SLC9A8: variants seen among roughly 807,000 people sequenced by gnomAD.
SLC9A8 encodes the protein solute carrier family 9 member A8, also known as sodium/hydrogen exchanger 8.
In SLC9A8, 48 loss-of-function variants were observed where a neutral mutation model predicts 66.6. The ratio of observed to expected loss-of-function variants is 0.72; its 90% CI spans 0.57 to 0.92. The LOEUF is 0.92. Among genes scored for constraint, SLC9A8 ranks in the 40% least tolerant of loss-of-function variants. The pLI, the probability that SLC9A8 is intolerant of heterozygous loss-of-function variation, is 0.00. For synonymous variants in SLC9A8, 274 were observed against 282.6 expected, an observed-to-expected ratio of 0.97 and a Z score of 0.31; for missense variants, 599 against 747.3, an observed-to-expected ratio of 0.80 and a Z score of 2.31.
intron 13 of SLC9A8, among the ~76,000 whole-genome samples, chr20:49,882,108 A>G (rs930843029): frequency 1.3e-5 from 2 of 151,778 alleles, no homozygotes; most frequent in African/African-American, 4.8e-5. Flanking sequence ...CATTTAAGCA[A>G]TCAGAGCTTC....
intron 11 of SLC9A8, among the ~76,000 whole-genome samples, chr20:49,876,782 C>T (rs1291857289): frequency 6.6e-6 from 1 of 152,090 alleles, no homozygotes; most frequent in Non-Finnish European, 1.5e-5. Context: ...GGAGTTGATG[C>T]TGCCAGGGAA....
At chr20:49,814,945 G>A (rs988500931) in intron 1 of SLC9A8, 63 bp from the exon 2 acceptor site, 7 of 1,293,510 alleles carry the variant, frequency 5.4e-6, no homozygotes, top group Middle Eastern at 2.0e-4. Flanking sequence ...CTGGTGTGAG[G>A]TGTGTGAATT....
chr20:49,844,326 C>T (rs2087889360), intron 4 of SLC9A8, among the ~76,000 whole-genome samples: 1 of 152,102 alleles, frequency 6.6e-6, no homozygotes, highest in Non-Finnish European at 1.5e-5. Context: ...TGTTTTAGGG[C>T]TTGCCATTAC....
intron 10 of SLC9A8, among the ~76,000 whole-genome samples, chr20:49,866,766 A>G (rs957818687): frequency 2.0e-5 from 3 of 152,148 alleles, no homozygotes; most frequent in Non-Finnish European, 2.9e-5. Context: ...GAGAGGTAGC[A>G]TGCTATTGGC....
chr20:49,866,455 G>A (rs676035), intron 10 of SLC9A8, among the ~76,000 whole-genome samples: 121,676 of 152,172 alleles, frequency 0.8, 48,654 homozygotes, highest in East Asian at 0.84. Flanking sequence ...TTTTCGAAGT[G>A]ACTGTATCAT....
chr20:49,876,963 C>G (rs1805622710), intron 11 of SLC9A8, among the ~76,000 whole-genome samples: 1 of 152,044 alleles, frequency 6.6e-6, no homozygotes, highest in African/African-American at 2.4e-5. Context: ...GAATGTAAAA[C>G]AGCCTTGCTG....
chr20:49,878,941 C>T (rs1291857806), intron 12 of SLC9A8, among the ~76,000 whole-genome samples: 2 of 151,948 alleles, frequency 1.3e-5, no homozygotes, highest in Non-Finnish European at 2.9e-5. Flanking sequence ...CGCTTGAACC[C>T]GGGAGGCGGA....
chr20:49,857,927 A>G (rs1200458600), intron 8 of SLC9A8, among the ~76,000 whole-genome samples: 1 of 152,192 alleles, frequency 6.6e-6, no homozygotes, highest in Non-Finnish European at 1.5e-5. Flanking sequence ...AAAACAACCA[A>G]ACTTATAAGT....
chr20:49,864,897 G>A, intron 10 of SLC9A8, 53 bp downstream of exon 10: 3 of 1,167,384 alleles, frequency 2.6e-6, no homozygotes, highest in East Asian at 4.7e-5. Flanking sequence ...TGTCCTGCCT[G>A]GGGAAAGAGG....
chr20:49,813,155 C>G (rs929819024), intron 1 of SLC9A8, among the ~76,000 whole-genome samples: 15 of 152,250 alleles, frequency 9.9e-5, no homozygotes, highest in African/African-American at 2.9e-4. Flanking sequence ...ATCGGTCCCT[C>G]GAGCTGGGAA....
At position 49,860,286 on chromosome 20, in the gene SLC9A8, C is replaced by T. The variant is rs558887914; in HGVS notation, c.714-2643C>T. On this transcript the variant is annotated intron_variant, in intron 8 of 15. Transcript: ENST00000361573. ...TTCAGATGAGTCTGCAAAGCTTTCA[C>T]GTGAAGAAAGTTAGATTTCTTTTTT... is the stretch of plus-strand genomic sequence containing the variant. Among the ~76,000 whole-genome samples, 31 of 152,316 alleles carry T rather than the reference C, an allele frequency of 2.0e-4. No individual in the cohort carries two copies. In the South Asian group the frequency reaches 2.5e-3, roughly 12 times the overall value.
chr20:49,839,039 G>A (rs1458773701), intron 3 of SLC9A8, among the ~76,000 whole-genome samples: 1 of 152,076 alleles, frequency 6.6e-6, no homozygotes, highest in Non-Finnish European at 1.5e-5. Context: ...TAGATGGTCT[G>A]TTTTCTTCCA....
chr20:49,861,399 C>A (rs558836426), intron 8 of SLC9A8, among the ~76,000 whole-genome samples: 8 of 152,248 alleles, frequency 5.3e-5, no homozygotes, highest in African/African-American at 1.9e-4. Context: ...CAAAAACTAA[C>A]TGGGTGTGGT....
chr20:49,872,438 C>T (rs1438931892), intron 10 of SLC9A8, among the ~76,000 whole-genome samples: 1 of 147,930 alleles, frequency 6.8e-6, no homozygotes, highest in East Asian at 2.0e-4. Flanking sequence ...GTCTGTAATA[C>T]AGTGCTGTGA....
At position 49,859,473 on chromosome 20, in the gene SLC9A8, C is replaced by T. The variant is rs554867095; in HGVS notation, c.714-3456C>T. 2.8e-5 allele frequency among the ~76,000 whole-genome samples: 4 copies of T among 141,554 alleles called. No homozygotes were observed. In the East Asian group the frequency reaches 8.2e-4, roughly 29 times the overall value. The allele number at this position is 141,554 out of a possible 152,430, so 92.9% of individuals were successfully genotyped here. On this transcript the variant is annotated intron_variant, in intron 8 of 15. Transcript: ENST00000361573. ...GGCATGTCAGACTTACCCCCGCCTC[C>T]CCCTCCACCTTTTTTTTTTTTTTTA... is the stretch of plus-strand genomic sequence containing the variant.
chr20:49,841,615 G>A (rs1177924623), intron 4 of SLC9A8, among the ~76,000 whole-genome samples: 1 of 151,846 alleles, frequency 6.6e-6, no homozygotes, highest in Non-Finnish European at 1.5e-5. Context: ...TTTTGAGACA[G>A]AGTCTCTCTT....
rs11086296 is a variant in SLC9A8 at position 49,834,420 on chromosome 20, G to GTA, written c.290-5112_290-5111dup. Among the ~76,000 whole-genome samples, 75 of 30,358 alleles carry GTA rather than the reference G, an allele frequency of 2.5e-3. 5 individuals are homozygous for GTA. The highest frequency in any genetic ancestry group is 9.6e-3 in the African/African-American group (59 of 6,142). The allele number at this position is 30,358 out of a possible 152,430, so 19.9% of individuals were successfully genotyped here. A position where few individuals can be genotyped will look rare whatever the true frequency, so the allele number is the denominator to read the frequency against. On this transcript the variant is annotated intron_variant, in intron 3 of 15. Transcript: ENST00000361573. ...TATATACTGTGTATATATATATACT[G>GTA]TATATATATACTGTATATATATATA...
intron 3 of SLC9A8, among the ~76,000 whole-genome samples, chr20:49,836,315 A>T (rs758161772): frequency 4.5e-4 from 69 of 152,066 alleles, no homozygotes; most frequent in Non-Finnish European, 8.5e-4. Flanking sequence ...CTCACTCATT[A>T]GTTGATAGAC....
At chr20:49,826,418 G>A (rs1254695598) in intron 3 of SLC9A8, among the ~76,000 whole-genome samples, 3 of 152,170 alleles carry the variant, frequency 2.0e-5, no homozygotes, top group Non-Finnish European at 2.9e-5. Flanking sequence ...TTCTTTCAGG[G>A]ATAAATTTTC....
Sources: gnomAD v4.1 joint callset for allele counts (sites outside exome capture counted in the v4.1 genomes callset) on GRCh38, gnomAD v4.1.1 for gene constraint, MANE v1.5 for transcripts, NCBI Gene and HGNC (gene_info 2026-07-23, HGNC 2026-07-21) for gene names.